Variants in PUM1 observed in about 807,000 individuals in gnomAD.
The protein encoded by PUM1 is pumilio RNA binding family member 1, also known as pumilio homolog 1.
A neutral mutation model predicts 131.8 loss-of-function variants in PUM1; 13 were observed. The observed-to-expected ratio is 0.10, with a 90% CI of 0.06 to 0.16. The LOEUF is 0.16. Among genes scored for constraint, PUM1 ranks in the 10% least tolerant of loss-of-function variants. The pLI is 1.00. For missense variants in PUM1, 961 were observed against 1,512.4 expected (o/e 0.64, Z 6.05); for synonymous variants, 509 against 556.5 (o/e 0.91, Z 1.20).
chr1:30,963,919 A>G (rs1052077602), intron 14 of PUM1, among the ~76,000 whole-genome samples: 1 of 152,200 alleles, frequency 6.6e-6, no homozygotes, highest in African/African-American at 2.4e-5. Context: ...CTTAATACAT[A>G]ACTGCGGGAG....
chr1:30,985,008 G>T (rs1284568411), intron 7 of PUM1, among the ~76,000 whole-genome samples: 1 of 152,106 alleles, frequency 6.6e-6, no homozygotes, highest in Admixed American at 6.6e-5. Context: ...GCAGACAGGG[G>T]TTAAGAGCAC....
chr1:31,042,888 T>C (rs530540017), intron 2 of PUM1, among the ~76,000 whole-genome samples: 42 of 152,078 alleles, frequency 2.8e-4, no homozygotes, highest in Non-Finnish European at 5.1e-4. Context: ...ATGCACCAGA[T>C]GATTTTTCTT....
intron 12 of PUM1, 155 bp downstream of exon 12, chr1:30,967,012 G>A: frequency 2.1e-5 from 16 of 758,668 alleles, no homozygotes; most frequent in Middle Eastern, 4.2e-4. Context: ...AATCCACTAA[G>A]GTCACTTATT....
intron 9 of PUM1, 141 bp from the exon 10 acceptor site, chr1:30,974,943 T>G (rs1438050165): frequency 1.7e-6 from 1 of 592,236 alleles, no homozygotes; most frequent in African/African-American, 1.9e-5. Context: ...AGCTAATCAT[T>G]AACTCTTTTT....
In PUM1 at chr1:30,974,857, G is replaced by A; in HGVS notation, c.1355-55C>T. 3 of 1,458,908 alleles carry A rather than the reference G, an allele frequency of 2.1e-6. No homozygotes were observed. In the South Asian group the frequency reaches 3.9e-5, roughly 19 times the overall value. 90.4% of individuals were successfully genotyped at this position (1,458,908 alleles called of 1,614,324 possible). On this transcript the variant is annotated intron_variant, in intron 9 of 21. Transcript: ENST00000426105. ...GTCTGAACTACTGAGGCTCATCTCAGCCTTTCCAAAATTACATCTGACTCA... is the reference window on the plus strand; with the variant it reads ...GTCTGAACTACTGAGGCTCATCTCAACCTTTCCAAAATTACATCTGACTCA...
chr1:31,061,980 T>C (rs372952126), intron 1 of PUM1: 1 of 152,200 alleles, frequency 6.6e-6, no homozygotes, highest in Non-Finnish European at 1.5e-5. Context: ...GTAATGAATA[T>C]ATCGCAGACA....
chr1:30,940,045 C>A (rs997542792), intron 20 of PUM1, among the ~76,000 whole-genome samples: 1 of 152,066 alleles, frequency 6.6e-6, no homozygotes, highest in Non-Finnish European at 1.5e-5. Flanking sequence ...TCAAAAGGAA[C>A]CCCCCAAAAC....
chr1:31,056,609 C>CTTTTCTTTTTTTTTTTTTTTTTTT (rs1644245029), intron 2 of PUM1, among the ~76,000 whole-genome samples: 1 of 43,710 alleles, frequency 2.3e-5, no homozygotes, highest in African/African-American at 8.9e-5. Flanking sequence ...CTTTTCTTTT[C>CTTTTCTTTTTTTTTTTTTTTTTTT]TTTTTTTTTT....
At chr1:31,009,779 A>C (rs1557583898) in intron 3 of PUM1, among the ~76,000 whole-genome samples, 1 of 108,750 alleles carries the variant, frequency 9.2e-6, no homozygotes, top group African/African-American at 3.0e-5. Flanking sequence ...AAAAAAAAAA[A>C]AAAAAAAACA....
chr1:31,037,880 A>G (rs2124563070), intron 2 of PUM1, among the ~76,000 whole-genome samples: 1 of 152,034 alleles, frequency 6.6e-6, no homozygotes, highest in African/African-American at 2.4e-5. Flanking sequence ...TCAGCAGACC[A>G]TCCTGGCTAA....
chr1:31,064,041 A>AG (rs1557613701), intron 1 of PUM1, among the ~76,000 whole-genome samples: 2 of 152,334 alleles, frequency 1.3e-5, no homozygotes. Context: ...TTAAGCAACT[A>AG]GAAGTGCTCA....
intron 14 of PUM1, among the ~76,000 whole-genome samples, chr1:30,954,208 T>C (rs1245844853): frequency 6.6e-6 from 1 of 152,198 alleles, no homozygotes; most frequent in Non-Finnish European, 1.5e-5. Context: ...TTACCGTTGA[T>C]GGTAGACTGC....
At chr1:30,952,662 G>A (rs1057237857) in intron 15 of PUM1, among the ~76,000 whole-genome samples, 3 of 125,860 alleles carry the variant, frequency 2.4e-5, no homozygotes, top group Non-Finnish European at 5.0e-5. Context: ...AAGGTGGGAG[G>A]GAAGATGAAA....
intron 5 of PUM1, among the ~76,000 whole-genome samples, chr1:30,999,485 T>G (rs1255058295): frequency 1.3e-5 from 2 of 151,672 alleles, no homozygotes; most frequent in Non-Finnish European, 2.9e-5. Flanking sequence ...TGCACACCTG[T>G]AATCCCAGCT....
chr1:30,963,866 G>A (rs904802533), intron 14 of PUM1, among the ~76,000 whole-genome samples: 2 of 152,100 alleles, frequency 1.3e-5, no homozygotes, highest in African/African-American at 4.8e-5. Context: ...TCTACATCTA[G>A]CATTCAATTT....
intron 9 of PUM1, 103 bp from the exon 10 acceptor site, chr1:30,974,905 A>T: frequency 3.6e-6 from 3 of 824,618 alleles, no homozygotes; most frequent in Non-Finnish European, 5.5e-6. Flanking sequence ...GTAAAATATT[A>T]ACTTAAAAGT....
intron 9 of PUM1, 128 bp downstream of exon 9, chr1:30,979,934 G>C: frequency 1.6e-6 from 1 of 641,494 alleles, no homozygotes. Flanking sequence ...CTGGCAGGTA[G>C]ATGGCATTGA....
chr1:31,040,289 T>C (rs945338141), intron 2 of PUM1, among the ~76,000 whole-genome samples: 2 of 151,978 alleles, frequency 1.3e-5, no homozygotes, highest in African/African-American at 4.8e-5. Context: ...TAAACTCCAA[T>C]ACAGGAAGAT....
chr1:31,042,736 T>C (rs1643861143), intron 2 of PUM1, among the ~76,000 whole-genome samples: 1 of 152,264 alleles, frequency 6.6e-6, no homozygotes, highest in Non-Finnish European at 1.5e-5. Flanking sequence ...TTAATCCATG[T>C]ACATCACTTT....
Sources: gnomAD v4.1 joint callset for allele counts (sites outside exome capture counted in the v4.1 genomes callset) on GRCh38, gnomAD v4.1.1 for gene constraint, MANE v1.5 for transcripts, NCBI Gene and HGNC (gene_info 2026-07-23, HGNC 2026-07-21) for gene names.